AKAP6: variants seen among roughly 807,000 people sequenced by gnomAD.
AKAP6 encodes A-kinase anchor protein 6.
Under a neutral mutation model 188.5 loss-of-function variants are expected in AKAP6, and 58 were observed. The ratio of observed to expected loss-of-function variants is 0.31; its 90% CI spans 0.25 to 0.38. The LOEUF (loss-of-function observed/expected upper bound fraction) is 0.38, where lower values mean the gene tolerates loss of function less well. Among genes scored for constraint, AKAP6 ranks in the 10% least tolerant of loss-of-function variants. The pLI, the probability that AKAP6 is intolerant of heterozygous loss-of-function variation, is 1.00. For missense variants in AKAP6, 2,710 were observed against 2,740.0 expected (o/e 0.99, Z 0.24); for synonymous variants, 989 against 998.6 (o/e 0.99, Z 0.18).
At chr14:32,766,370 A>G (rs182290873) in intron 11 of AKAP6, among the ~76,000 whole-genome samples, 2 of 152,208 alleles carry the variant, frequency 1.3e-5, no homozygotes, top group African/African-American at 4.8e-5. Flanking sequence ...TTGGGTATAT[A>G]TTCAAAAGGA....
At chr14:32,827,663 A>C (rs2034708097) in intron 13 of AKAP6, among the ~76,000 whole-genome samples, 1 of 152,230 alleles carries the variant, frequency 6.6e-6, no homozygotes, top group Admixed American at 6.5e-5. Context: ...ATCAAAGGAA[A>C]GGTAACTGGA....
chr14:32,494,421 A>G (rs911116932), intron 2 of AKAP6: 1 of 152,006 alleles, frequency 6.6e-6, no homozygotes, highest in African/African-American at 2.4e-5. Flanking sequence ...TTTTTTTGCT[A>G]ATTTCTTTTC....
chr14:32,471,640 G>T (rs1173378303), intron 2 of AKAP6, among the ~76,000 whole-genome samples: 1 of 152,112 alleles, frequency 6.6e-6, no homozygotes, highest in Non-Finnish European at 1.5e-5. Flanking sequence ...CCCAATTTGG[G>T]TAGGTGGAAT....
chr14:32,529,668 G>A (rs150324657), intron 2 of AKAP6, among the ~76,000 whole-genome samples: 263 of 152,280 alleles, frequency 1.7e-3, no homozygotes, highest in African/African-American at 5.9e-3. Context: ...TACTGAGAGG[G>A]ATAGTTCACT....
At chr14:32,581,553 A>G (rs1398252000) in intron 5 of AKAP6, among the ~76,000 whole-genome samples, 2 of 152,016 alleles carry the variant, frequency 1.3e-5, no homozygotes, top group Admixed American at 6.5e-5. Context: ...TATCCTTGTT[A>G]ACTTTCTGTC....
intron 1 of AKAP6, among the ~76,000 whole-genome samples, chr14:32,413,385 G>A (rs1052603961): frequency 6.6e-6 from 1 of 151,808 alleles, no homozygotes; most frequent in African/African-American, 2.4e-5. Flanking sequence ...GTCTCATTCT[G>A]TTGCCCAGGC....
At chr14:32,337,526 A>T (rs1272173214) in intron 1 of AKAP6, among the ~76,000 whole-genome samples, 1 of 152,190 alleles carries the variant, frequency 6.6e-6, no homozygotes, top group Non-Finnish European at 1.5e-5. Flanking sequence ...TATGGTTTAT[A>T]TTCATTTAGT....
intron 1 of AKAP6, chr14:32,375,936 A>G (rs1888144720): frequency 6.6e-6 from 1 of 152,164 alleles, no homozygotes; most frequent in African/African-American, 2.4e-5. Flanking sequence ...TGTCTTCTTC[A>G]CTTACTTAAG....
At chr14:32,428,631 A>G (rs1457647590) in intron 1 of AKAP6, among the ~76,000 whole-genome samples, 1 of 152,188 alleles carries the variant, frequency 6.6e-6, no homozygotes, top group Non-Finnish European at 1.5e-5. Context: ...ATTGTAAAAG[A>G]AAGGAGAGAG....
intron 1 of AKAP6, among the ~76,000 whole-genome samples, chr14:32,361,544 T>C (rs929575787): frequency 6.6e-6 from 1 of 152,126 alleles, no homozygotes. Context: ...CATCTAGTTT[T>C]TTGTTTTGGA....
chr14:32,464,251 A>G (rs1374603586), intron 2 of AKAP6, among the ~76,000 whole-genome samples: 1 of 152,224 alleles, frequency 6.6e-6, no homozygotes, highest in African/African-American at 2.4e-5. Flanking sequence ...TTATGAGGCC[A>G]GCATCATCCT....
intron 11 of AKAP6, among the ~76,000 whole-genome samples, chr14:32,742,912 A>G (rs1168650222): frequency 1.3e-5 from 2 of 152,074 alleles, no homozygotes; most frequent in African/African-American, 4.8e-5. Flanking sequence ...GCTAAATCCA[A>G]TGTTTTTTTC....
chr14:32,448,258 A>T (rs770011629), intron 2 of AKAP6, among the ~76,000 whole-genome samples: 7 of 152,132 alleles, frequency 4.6e-5, no homozygotes, highest in Non-Finnish European at 8.8e-5. Flanking sequence ...TAACCCTAAC[A>T]TTTCGTGACA....
intron 2 of AKAP6, among the ~76,000 whole-genome samples, chr14:32,534,921 C>T (rs1164867736): frequency 6.8e-6 from 1 of 147,906 alleles, no homozygotes; most frequent in South Asian, 2.2e-4. Flanking sequence ...GCTGAGATTG[C>T]GCCATTGCAT....
At chr14:32,638,313 G>A (rs528571424) in intron 7 of AKAP6, among the ~76,000 whole-genome samples, 1 of 152,204 alleles carries the variant, frequency 6.6e-6, no homozygotes, top group Admixed American at 6.5e-5. Context: ...CTTCCATTCT[G>A]ATAAGGGCAG....
At chr14:32,492,181 A>G (rs1037120200) in intron 2 of AKAP6, among the ~76,000 whole-genome samples, 2 of 151,584 alleles carry the variant, frequency 1.3e-5, no homozygotes, top group Admixed American at 6.6e-5. Context: ...CCCATTGCCC[A>G]TGTCTGGCTC....
intron 12 of AKAP6, among the ~76,000 whole-genome samples, chr14:32,805,481 G>A (rs191215180): frequency 2.0e-4 from 31 of 152,216 alleles, no homozygotes; most frequent in Admixed American, 8.5e-4. Context: ...TGCCTTCTGC[G>A]GTGAGCAACT....
chr14:32,768,082 C>T (rs1363937644), intron 11 of AKAP6, among the ~76,000 whole-genome samples: 1 of 152,138 alleles, frequency 6.6e-6, no homozygotes, highest in Non-Finnish European at 1.5e-5. Context: ...ATAAATGGTG[C>T]CCAATGAATG....
At chr14:32,783,352 G>A (rs547921926) in intron 12 of AKAP6, among the ~76,000 whole-genome samples, 4 of 152,172 alleles carry the variant, frequency 2.6e-5, no homozygotes, top group African/African-American at 4.8e-5. Context: ...AAAGGGTAAC[G>A]AGAAATCTTT....
Sources: gnomAD v4.1 joint callset for allele counts (sites outside exome capture counted in the v4.1 genomes callset) on GRCh38, gnomAD v4.1.1 for gene constraint, MANE v1.5 for transcripts, NCBI Gene and HGNC (gene_info 2026-07-23, HGNC 2026-07-21) for gene names.